Variants in PCCA observed in about 807,000 individuals in gnomAD.
The protein encoded by PCCA is propionyl-CoA carboxylase alpha chain, mitochondrial.
Under a neutral mutation model 101.3 loss-of-function variants are expected in PCCA, and 74 were observed. That is an observed-to-expected ratio of 0.73 (90% CI 0.61 to 0.89). The LOEUF is 0.89. Among genes scored for constraint, PCCA ranks in the 40% least tolerant of loss-of-function variants. The probability of loss-of-function intolerance (pLI) is 0.00; values close to 1 mark genes in which losing one functional copy is unlikely to be tolerated. For missense variants in PCCA, 891 were observed against 907.0 expected (o/e 0.98, Z 0.23); for synonymous variants, 294 against 313.6 (o/e 0.94, Z 0.66).
At chr13:100,467,696 A>G (rs977688527) in intron 21 of PCCA, among the ~76,000 whole-genome samples, 1 of 152,134 alleles carries the variant, frequency 6.6e-6, no homozygotes, top group African/African-American at 2.4e-5. Context: ...GAGTGCAGCA[A>G]TTCAGTCACA....
At chr13:100,278,643 C>A (rs1222942186) in intron 12 of PCCA, among the ~76,000 whole-genome samples, 1 of 152,094 alleles carries the variant, frequency 6.6e-6, no homozygotes, top group East Asian at 1.9e-4. Context: ...CTACGCCCAG[C>A]TAATTTTTGT....
rs1193705202 is a variant in PCCA, at chr13:100,349,753, C to T, written c.1643+9494C>T. Among the ~76,000 whole-genome samples the T allele has an allele frequency of 2.2e-5, 3 of 136,392 alleles. No individual in the cohort carries two copies. The East Asian group carries it at 6.1e-4, about 28-fold the overall frequency. 89.5% of individuals were successfully genotyped at this position (136,392 alleles called of 152,430 possible). On this transcript the variant is annotated intron_variant, in intron 18 of 23. Coordinates refer to ENST00000376285, the MANE Select transcript of PCCA (RefSeq NM_000282.4). ...CTGCATGGAATCAGTGTACTTTGTG[C>T]TCAGGCTTAGGAGAACATATCAAGT...
At chr13:100,361,166 CA>C (rs1171667492) in intron 18 of PCCA, among the ~76,000 whole-genome samples, 7 of 152,102 alleles carry the variant, frequency 4.6e-5, no homozygotes, top group African/African-American at 1.7e-4. Flanking sequence ...ATAGGTGGAA[CA>C]GGGGACTTGT....
intron 7 of PCCA, among the ~76,000 whole-genome samples, chr13:100,220,451 T>A (rs1454415161): frequency 6.6e-6 from 1 of 151,088 alleles, no homozygotes; most frequent in African/African-American, 2.4e-5. Context: ...TTTTTGGTAT[T>A]TCTAGTAGAG....
At chr13:100,322,577 T>A (rs1314510160) in intron 16 of PCCA, among the ~76,000 whole-genome samples, 1 of 151,828 alleles carries the variant, frequency 6.6e-6, no homozygotes, top group African/African-American at 2.4e-5. Context: ...TTAATTTTTT[T>A]TTTTTCTTTT....
intron 6 of PCCA, among the ~76,000 whole-genome samples, chr13:100,207,887 G>T (rs1383195467): frequency 6.6e-6 from 1 of 151,790 alleles, no homozygotes; most frequent in South Asian, 2.1e-4. Flanking sequence ...GCGTGGTGGC[G>T]CGCTCCTGTA....
intron 19 of PCCA, among the ~76,000 whole-genome samples, chr13:100,385,853 C>G (rs1245829720): frequency 1.3e-5 from 2 of 152,208 alleles, no homozygotes; most frequent in Non-Finnish European, 2.9e-5. Flanking sequence ...CTGAAACAAT[C>G]CACCTGCCTT....
intron 19 of PCCA, among the ~76,000 whole-genome samples, chr13:100,406,364 C>T (rs1014315413): frequency 6.6e-6 from 1 of 152,198 alleles, no homozygotes; most frequent in African/African-American, 2.4e-5. Flanking sequence ...TGCTCCAAAC[C>T]TTCATCACAG....
chr13:100,196,788 A>G (rs1190731948), intron 6 of PCCA, among the ~76,000 whole-genome samples: 1 of 152,224 alleles, frequency 6.6e-6, no homozygotes. Flanking sequence ...TTTTAAAATA[A>G]TAGAACCTTT....
At chr13:100,331,774 A>G (rs1285882893) in intron 17 of PCCA, among the ~76,000 whole-genome samples, 1 of 151,744 alleles carries the variant, frequency 6.6e-6, no homozygotes, top group African/African-American at 2.4e-5. Flanking sequence ...TTTTGTGACT[A>G]TTCTTTTAAT....
rs144628918 is a variant in PCCA, at chr13:100,402,854, A to G, written c.1747-22779A>G. Among the ~76,000 whole-genome samples, 4 of 152,328 alleles carry G rather than the reference A, an allele frequency of 2.6e-5. No individual in the cohort carries two copies. In the East Asian group the frequency reaches 7.7e-4, roughly 29 times the overall value. On this transcript the variant is annotated intron_variant, in intron 19 of 23. Transcript: ENST00000376285. ...CTGTTAGGCTGAATTGGCTAGTCCA[A>G]ATTTAAAAAATAGTAGGACTAAAGT...
intron 19 of PCCA, among the ~76,000 whole-genome samples, chr13:100,401,818 A>G (rs1158051394): frequency 6.6e-6 from 1 of 152,224 alleles, no homozygotes; most frequent in East Asian, 1.9e-4. Context: ...AAATAATAGA[A>G]TAGTCTTACT....
chr13:100,184,711 T>G (rs561641597), intron 6 of PCCA, among the ~76,000 whole-genome samples: 1 of 152,356 alleles, frequency 6.6e-6, no homozygotes, highest in Non-Finnish European at 1.5e-5. Flanking sequence ...CAATACAACT[T>G]TCATTATGAA....
intron 19 of PCCA, among the ~76,000 whole-genome samples, chr13:100,385,343 C>A (rs937534060): frequency 6.6e-6 from 1 of 151,866 alleles, no homozygotes; most frequent in Non-Finnish European, 1.5e-5. Flanking sequence ...ACAGGTAAGC[C>A]AAAAAACCAG....
At chr13:100,487,389 A>T (rs2084471104) in intron 21 of PCCA, among the ~76,000 whole-genome samples, 2 of 152,348 alleles carry the variant, frequency 1.3e-5, no homozygotes, top group Admixed American at 6.5e-5. Flanking sequence ...TCACTGAATG[A>T]CGTGTTAACC....
At chr13:100,259,916 G>A (rs9518033) in intron 9 of PCCA, among the ~76,000 whole-genome samples, 141,351 of 152,214 alleles carry the variant, frequency 0.93, 66,565 homozygotes, top group East Asian at 1. Context: ...AATGTCACCA[G>A]TGATATTCAT....
chr13:100,134,482 A>G (rs1488085901), intron 4 of PCCA, among the ~76,000 whole-genome samples: 3 of 152,312 alleles, frequency 2.0e-5, no homozygotes, highest in Non-Finnish European at 4.4e-5. Flanking sequence ...GTTTGGGAAG[A>G]ATTGACATTT....
At chr13:100,273,551 T>C (rs1595057762) in intron 12 of PCCA, among the ~76,000 whole-genome samples, 1 of 152,270 alleles carries the variant, frequency 6.6e-6, no homozygotes, top group East Asian at 1.9e-4. Context: ...GCTTTGTCAC[T>C]GTTAATACTT....
intron 7 of PCCA, among the ~76,000 whole-genome samples, chr13:100,227,937 C>T (rs2060238706): frequency 6.6e-6 from 1 of 152,092 alleles, no homozygotes; most frequent in East Asian, 1.9e-4. Context: ...ATTCTAAAGA[C>T]TTCAAATGAA....
Sources: allele counts gnomAD v4.1 joint callset (sites outside exome capture counted in the v4.1 genomes callset), GRCh38; gene constraint gnomAD v4.1.1; transcripts MANE v1.5; gene names NCBI Gene and HGNC (gene_info 2026-07-23, HGNC 2026-07-21).